PRIM2: variants seen among roughly 807,000 people sequenced by gnomAD.
PRIM2 encodes the protein DNA primase large subunit.
PRIM2 carries 39 observed loss-of-function variants against 67.3 expected under a neutral mutation model. The ratio of observed to expected loss-of-function variants is 0.58; its 90% CI spans 0.45 to 0.76. PRIM2 has a LOEUF of 0.76. Among genes scored for constraint, PRIM2 ranks in the 30% least tolerant of loss-of-function variants. PRIM2 has a pLI of 0.00. For missense variants in PRIM2, 398 were observed against 598.7 expected (o/e 0.66, Z 3.50); for synonymous variants, 143 against 198.7 (o/e 0.72, Z 2.36).
chr6:57,444,340 G>A lies in PRIM2; in HGVS notation c.693+62172G>A, dbSNP rs113713942. Among the ~76,000 whole-genome samples the A allele has an allele frequency of 7.1e-3, 1,073 of 152,126 alleles. 12 individuals are homozygous for A. The highest frequency in any genetic ancestry group is 0.024 in the African/African-American group (991 of 41,514). ...TCCCAGCACTTTGGAAGGCCGAGGC[G>A]GGCGGATCACTAGGTCAAGAGTTCG... is the stretch of plus-strand genomic sequence containing the variant. On this transcript the variant is annotated intron_variant, in intron 7 of 13. Transcript: ENST00000615550.
At chr6:57,540,250 C>G (rs1269902290) in intron 10 of PRIM2, among the ~76,000 whole-genome samples, 3 of 152,072 alleles carry the variant, frequency 2.0e-5, no homozygotes, top group African/African-American at 4.8e-5. Flanking sequence ...GTCACTTACA[C>G]ACACATGCAC....
At chr6:57,535,774 A>T (rs1228544120) in intron 9 of PRIM2, among the ~76,000 whole-genome samples, 2 of 152,126 alleles carry the variant, frequency 1.3e-5, no homozygotes, top group Admixed American at 6.5e-5. Context: ...CTGAAGCAGG[A>T]GAATCGCATG....
the PRIM2 span, among the ~76,000 whole-genome samples, chr6:57,279,266 T>C: frequency 6.6e-6 from 1 of 152,208 alleles, no homozygotes; most frequent in Non-Finnish European, 1.5e-5. Flanking sequence ...ACAGCTTACT[T>C]TACTGCTTTT....
At chr6:57,345,506 G>GTGTGTGTACA (rs369673115) in intron 5 of PRIM2, among the ~76,000 whole-genome samples, 4,412 of 120,412 alleles carry the variant, frequency 0.037, 131 homozygotes, top group Admixed American at 0.094. Flanking sequence ...GTGTGTGTGT[G>GTGTGTGTACA]TACATACATA....
At chr6:57,235,709 G>T in the PRIM2 span, among the ~76,000 whole-genome samples, 1 of 152,294 alleles carries the variant, frequency 6.6e-6, no homozygotes, top group South Asian at 2.1e-4. Flanking sequence ...GGGAGATTGT[G>T]CTGGATTATC....
the PRIM2 span, among the ~76,000 whole-genome samples, chr6:57,291,366 AC>A: frequency 6.6e-6 from 1 of 152,178 alleles, no homozygotes. Flanking sequence ...TAGCCTACCA[AC>A]CAAAAAAAGT....
chr6:57,587,664 C>CAAAAAAAAAAAAAAAAAAAAAAAAA (rs1157172882), intron 10 of PRIM2, among the ~76,000 whole-genome samples: 1 of 54,236 alleles, frequency 1.8e-5, no homozygotes, highest in Non-Finnish European at 3.0e-5. Flanking sequence ...GACTCTGTCT[C>CAAAAAAAAAAAAAAAAAAAAAAAAA]AAAAAAAAAA....
intron 8 of PRIM2, among the ~76,000 whole-genome samples, chr6:57,514,920 T>C (rs1774451041): frequency 6.6e-6 from 1 of 152,148 alleles, no homozygotes; most frequent in Non-Finnish European, 1.5e-5. Flanking sequence ...GTTAAGTAGA[T>C]AGTAAAGAGA....
rs1443231826 is a variant in PRIM2, at chr6:57,501,220, C to T, written c.694-6167C>T. Among the ~76,000 whole-genome samples the T allele has an allele frequency of 3.9e-3, 588 of 152,204 alleles. 2 individuals are homozygous for T. The highest frequency in any genetic ancestry group is 0.013 in the African/African-American group (555 of 41,530). On this transcript the variant is annotated intron_variant, in intron 7 of 13. Coordinates refer to ENST00000615550, the MANE Select transcript of PRIM2 (RefSeq NM_000947.5). ...AAAAAGAAAAAATATTTTCTGTTTG[C>T]TTTACTCTTGAAAAGATATGACATC...
At chr6:57,385,226 C>T (rs1432436380) in intron 7 of PRIM2, among the ~76,000 whole-genome samples, 4 of 152,114 alleles carry the variant, frequency 2.6e-5, no homozygotes, top group African/African-American at 7.2e-5. Context: ...GCCAACTGCA[C>T]CTAAGCTTTC....
At chr6:57,421,072 A>G (rs1055410530) in intron 7 of PRIM2, among the ~76,000 whole-genome samples, 1 of 152,202 alleles carries the variant, frequency 6.6e-6, no homozygotes, top group African/African-American at 2.4e-5. Flanking sequence ...CGAATCTTCT[A>G]GAAGGATGGA....
chr6:57,528,597 T>C (rs2127466895), intron 8 of PRIM2, among the ~76,000 whole-genome samples: 1 of 152,338 alleles, frequency 6.6e-6, no homozygotes, highest in Admixed American at 6.5e-5. Context: ...ATAATTCTGT[T>C]TGTACATCAT....
chr6:57,508,930 A>G (rs1774303180), intron 8 of PRIM2, among the ~76,000 whole-genome samples: 2 of 152,282 alleles, frequency 1.3e-5, no homozygotes, highest in South Asian at 2.1e-4. Flanking sequence ...ACATACCTAC[A>G]TTTTCAGGTT....
At chr6:57,242,618 A>G in the PRIM2 span, among the ~76,000 whole-genome samples, 6 of 152,230 alleles carry the variant, frequency 3.9e-5, no homozygotes, top group Non-Finnish European at 7.3e-5. Flanking sequence ...TGGTATAAAC[A>G]ATTTTAAAGT....
At chr6:57,583,470 C>A (rs1776135272) in intron 10 of PRIM2, among the ~76,000 whole-genome samples, 1 of 151,316 alleles carries the variant, frequency 6.6e-6, no homozygotes, top group Non-Finnish European at 1.5e-5. Flanking sequence ...ATGATGGTTT[C>A]CAATTTCATC....
At chr6:57,393,200 C>G (rs1430450707) in intron 7 of PRIM2, among the ~76,000 whole-genome samples, 3 of 152,034 alleles carry the variant, frequency 2.0e-5, no homozygotes, top group Non-Finnish European at 4.4e-5. Flanking sequence ...AGTGGCAGTT[C>G]TTGATTCTTT....
chr6:57,587,525 G>C (rs1391945220), intron 10 of PRIM2, among the ~76,000 whole-genome samples: 11 of 151,862 alleles, frequency 7.2e-5, no homozygotes, highest in East Asian at 3.9e-4. Context: ...TTAGCTGGGC[G>C]TGGTGGCGGA....
rs1777109226 is a variant in PRIM2, at chr6:57,635,702, A to C, written c.1299+3501A>C. On this transcript the variant is annotated intron_variant, in intron 13 of 13. Transcript: ENST00000615550. ...TAAACAGGATATATGTGATACAATTAAGCCCTTTTATAATAACTCAGGGTC... is the reference window on the plus strand; with the variant it reads ...TAAACAGGATATATGTGATACAATTCAGCCCTTTTATAATAACTCAGGGTC... 6.6e-5 allele frequency among the ~76,000 whole-genome samples: 10 copies of C among 152,310 alleles called. No homozygotes were observed. In the South Asian group the frequency reaches 1.9e-3, roughly 28 times the overall value.
chr6:57,475,137 C>G (rs2127403393), intron 7 of PRIM2, among the ~76,000 whole-genome samples: 1 of 152,304 alleles, frequency 6.6e-6, no homozygotes, highest in South Asian at 2.1e-4. Flanking sequence ...GATATAAATA[C>G]AGTTTGATTG....
Sources: allele counts gnomAD v4.1 joint callset (sites outside exome capture counted in the v4.1 genomes callset), GRCh38; gene constraint gnomAD v4.1.1; transcripts MANE v1.5; gene names NCBI Gene and HGNC (gene_info 2026-07-23, HGNC 2026-07-21).